GRIK3: variants seen among roughly 807,000 people sequenced by gnomAD.
The protein encoded by GRIK3 is glutamate ionotropic receptor kainate type subunit 3.
In GRIK3, 29 loss-of-function variants were observed where a neutral mutation model predicts 102.5. The observed-to-expected ratio is 0.28, with a 90% CI of 0.21 to 0.39. GRIK3 has a LOEUF of 0.39. Among genes scored for constraint, GRIK3 ranks in the 10% least tolerant of loss-of-function variants. GRIK3 has a pLI of 1.00. For synonymous variants in GRIK3, 511 were observed against 504.9 expected (o/e 1.01, Z -0.16); for missense variants, 908 against 1,252.4 (o/e 0.73, Z 4.15).
chr1:36,887,212 A>G (rs1352492585), intron 2 of GRIK3, among the ~76,000 whole-genome samples: 2 of 152,230 alleles, frequency 1.3e-5, no homozygotes, highest in African/African-American at 2.4e-5. Context: ...AGAGCTAACT[A>G]TGAAAGATAA....
intron 15 of GRIK3, among the ~76,000 whole-genome samples, chr1:36,803,611 A>T (rs1570733042): frequency 6.6e-6 from 1 of 151,976 alleles, no homozygotes; most frequent in African/African-American, 2.4e-5. Flanking sequence ...TTGTATTTTT[A>T]GTAGAGACGG....
intron 10 of GRIK3, among the ~76,000 whole-genome samples, chr1:36,827,235 T>C (rs985171258): frequency 1.3e-5 from 2 of 152,194 alleles, no homozygotes; most frequent in African/African-American, 4.8e-5. Context: ...CTCTGCTTCT[T>C]TTCTCCATCC....
chr1:36,805,086 C>G lies in GRIK3; in HGVS notation c.2466G>C (p.Gly822=). The change falls in exon 15 of 16, where the codon GGG becomes GGC. Residue 822 remains glycine (G), a synonymous_variant. Transcript: ENST00000373091. ...CGGCGGCCAGGACAATGAAGATGCCCCCGATCTTCTGGATCCCCAGGGCAC... is the reference window on the plus strand; with the variant it reads ...CGGCGGCCAGGACAATGAAGATGCCGCCGATCTTCTGGATCCCCAGGGCAC... ...EASALGIQKI[G]GIFIVLAAGL... is the part of the protein sequence containing the mutation. The G allele has an allele frequency of 6.2e-7, 1 of 1,614,192 alleles. No individual in the cohort carries two copies. Among genetic ancestry groups the G allele is most frequent in the Non-Finnish European group, 8.5e-7 (1 of 1,180,034 alleles).
chr1:37,031,526 C>T (rs1016961637), intron 1 of GRIK3, among the ~76,000 whole-genome samples: 3 of 152,222 alleles, frequency 2.0e-5, no homozygotes, highest in Admixed American at 2.0e-4. Flanking sequence ...CCCAGAGAGC[C>T]CCTCTGGCAC....
At position 37,034,379 on chromosome 1, in the gene GRIK3, C is replaced by G. The variant is rs919453468; in HGVS notation, c.-271G>C. ...GCCCGGACTCCGCTCGGACTCGGCT[C>G]CGGCTCCGACTCGCGTCGGCTCGGC... On this transcript the variant is annotated 5_prime_UTR_variant, in exon 1 of 16. Coordinates refer to ENST00000373091, the MANE Select transcript of GRIK3 (RefSeq NM_000831.4). 1.3e-5 allele frequency among the ~76,000 whole-genome samples: 2 copies of G among 150,996 alleles called. No individual in the cohort carries two copies. Among genetic ancestry groups the G allele is most frequent in the Non-Finnish European group, 3.0e-5 (2 of 67,586 alleles).
At chr1:36,965,507 G>A (rs760470821) in intron 1 of GRIK3, among the ~76,000 whole-genome samples, 1 of 152,162 alleles carries the variant, frequency 6.6e-6, no homozygotes, top group African/African-American at 2.4e-5. Flanking sequence ...CTTGGAGAGG[G>A]CTTGCCATAG....
intron 5 of GRIK3, among the ~76,000 whole-genome samples, chr1:36,860,461 A>G (rs796973060): frequency 1.5e-4 from 23 of 152,334 alleles, no homozygotes; most frequent in African/African-American, 5.5e-4. Flanking sequence ...GATATTTAAA[A>G]ATAGTCTTTT....
chr1:36,986,466 C>T (rs972205288), intron 1 of GRIK3, among the ~76,000 whole-genome samples: 1 of 99,022 alleles, frequency 1.0e-5, no homozygotes, highest in Non-Finnish European at 2.4e-5. Context: ...ATCCATCAGC[C>T]CATCCATCCA....
chr1:36,851,523 T>C (rs1640585567), intron 8 of GRIK3, among the ~76,000 whole-genome samples: 1 of 152,254 alleles, frequency 6.6e-6, no homozygotes, highest in Non-Finnish European at 1.5e-5. Flanking sequence ...GCAGAGCACC[T>C]GGGTGCAGGA....
chr1:36,998,807 G>A (rs1642445145), intron 1 of GRIK3, among the ~76,000 whole-genome samples: 1 of 152,166 alleles, frequency 6.6e-6, no homozygotes, highest in Non-Finnish European at 1.5e-5. Flanking sequence ...GTAAGGAGGA[G>A]CATAGCAAGC....
At chr1:36,861,389 C>T (rs933149914) in intron 5 of GRIK3, among the ~76,000 whole-genome samples, 3 of 152,192 alleles carry the variant, frequency 2.0e-5, no homozygotes, top group Non-Finnish European at 4.4e-5. Flanking sequence ...AAGCTGCCCT[C>T]CTTCTGGCCC....
chr1:36,815,939 T>TG (rs775201962), intron 13 of GRIK3, among the ~76,000 whole-genome samples: 11 of 151,884 alleles, frequency 7.2e-5, no homozygotes, highest in Non-Finnish European at 1.6e-4. Flanking sequence ...TTAGTAGAGA[T>TG]GGGGTGTCAC....
At chr1:36,949,574 C>CT (rs60157852) in intron 1 of GRIK3, among the ~76,000 whole-genome samples, 5,168 of 99,662 alleles carry the variant, frequency 0.052, 341 homozygotes, top group South Asian at 0.11. Flanking sequence ...CTCTCTCTTT[C>CT]TTTTTTTTTT....
rs767251542 is a variant in GRIK3 at position 36,841,897 on chromosome 1, A to G, written c.1369T>C (p.Tyr457His). 2 of 1,614,210 alleles carry G rather than the reference A, an allele frequency of 1.2e-6. No individual in the cohort carries two copies. Among genetic ancestry groups the G allele is most frequent in the Middle Eastern group, 3.3e-4 (2 of 6,062 alleles). The change falls in exon 10 of 16, where the codon TAC becomes CAC. Residue 457 changes from tyrosine (Y) to histidine (H), a missense_variant. Tyr to His is a moderately conservative substitution (Grantham distance 83). This residue lies in a region of GRIK3 where 585 missense variants were observed against 824.9 expected (regional missense o/e 0.71). Coordinates refer to ENST00000373091, the MANE Select transcript of GRIK3 (RefSeq NM_000831.4). ...TAGCCCTCGAACCGGTCATTCCCGT[A>G]TAGCGTCCTGTCTGATTTCCGAAAC... Reference protein sequence around the residue: ...VMFRKSDRTLYGNDRFEGYCI... With the variant: ...VMFRKSDRTLHGNDRFEGYCI...
In GRIK3 at chr1:36,890,965, T is replaced by A; in HGVS notation, c.247A>T (p.Ile83Leu). Residue 83 changes from isoleucine (I) to leucine (L), a missense_variant, in exon 2 of 16, where the codon ATA (isoleucine) becomes TTA (leucine). Transcript: ENST00000373091. Reference sequence around the variant, plus strand: ...CTGTCATGGAAGTGAATCCTCTGTATGTCATAGGTCAAGGTTGTGTTGGGC... The same window carrying A: ...CTGTCATGGAAGTGAATCCTCTGTAAGTCATAGGTCAAGGTTGTGTTGGGC... ...LLPNTTLTYD[I>L]QRIHFHDSFE... 1 of 1,613,754 alleles carries A rather than the reference T, an allele frequency of 6.2e-7. No homozygotes were observed. The highest frequency in any genetic ancestry group is 8.5e-7 in the Non-Finnish European group (1 of 1,179,782).
Position 36,891,006 on chromosome 1 carries a change from C to T in GRIK3, c.206G>A (p.Arg69Lys). ...TGTGTTGGGCAGCAGAGTCCTGTTCCTGTTGATGATGTTGGCAGAAAATCG... is the reference window on the plus strand; with the variant it reads ...TGTGTTGGGCAGCAGAGTCCTGTTCTTGTTGATGATGTTGGCAGAAAATCG... ...AFRFSANIIN[R>K]NRTLLPNTTL... Residue 69 changes from arginine to lysine, a missense_variant, in exon 2 of 16, where the codon AGG (arginine) becomes AAG (lysine). Around this residue, in one of 3 missense-constraint regions of GRIK3, gnomAD observed 585 missense variants for 824.9 expected, o/e 0.71. Transcript: ENST00000373091. 6.2e-7 allele frequency: 1 copy of T among 1,613,966 alleles called. No individual in the cohort carries two copies. Among genetic ancestry groups the T allele is most frequent in the Non-Finnish European group, 8.5e-7 (1 of 1,179,888 alleles).
rs75783506 is a variant in GRIK3 at position 36,900,799 on chromosome 1, G to A, written c.116-9703C>T. On this transcript the variant is annotated intron_variant, in intron 1 of 15. Transcript: ENST00000373091. Reference sequence around the variant, plus strand: ...GTGAAAAGACAGATAAAATTGATAGGCCTCTAATTTGGCCAATTAAGAATA... The same window carrying A: ...GTGAAAAGACAGATAAAATTGATAGACCTCTAATTTGGCCAATTAAGAATA... Among the ~76,000 whole-genome samples the A allele has an allele frequency of 7.0e-4, 107 of 152,224 alleles. 2 individuals carry two copies. The South Asian group carries it at 8.7e-3, about 12-fold the overall frequency.
intron 1 of GRIK3, among the ~76,000 whole-genome samples, chr1:36,915,765 T>C (rs1333523976): frequency 3.3e-5 from 5 of 152,176 alleles, no homozygotes; most frequent in African/African-American, 1.2e-4. Flanking sequence ...CCATCATGAT[T>C]GTGAGGGCTC....
intron 10 of GRIK3, among the ~76,000 whole-genome samples, chr1:36,831,243 C>A (rs1025781532): frequency 6.6e-6 from 1 of 152,214 alleles, no homozygotes; most frequent in Non-Finnish European, 1.5e-5. Flanking sequence ...GAGACGTGAA[C>A]TTGACTCTGG....
Sources: allele counts gnomAD v4.1 joint callset (sites outside exome capture counted in the v4.1 genomes callset), GRCh38; gene constraint gnomAD v4.1.1; regional missense constraint gnomAD v4.1.1; transcripts MANE v1.5; gene names NCBI Gene and HGNC (gene_info 2026-07-23, HGNC 2026-07-21).